KCNN3: variants seen among roughly 807,000 people sequenced by gnomAD.
KCNN3 encodes potassium calcium-activated channel subfamily N member 3.
Under a neutral mutation model 62.9 loss-of-function variants are expected in KCNN3, and 16 were observed. The ratio of observed to expected loss-of-function variants is 0.25; its 90% CI spans 0.17 to 0.39. KCNN3 has a LOEUF of 0.39. Ranked by LOEUF, KCNN3 falls within the 10% of genes least tolerant of loss-of-function variation. The pLI is 1.00. For synonymous variants in KCNN3, 370 were observed against 389.2 expected, an observed-to-expected ratio of 0.95 and a Z score of 0.58; for missense variants, 599 against 949.4, an observed-to-expected ratio of 0.63 and a Z score of 4.85.
chr1:154,800,157 G>A (rs1222740817), intron 2 of KCNN3, among the ~76,000 whole-genome samples: 3 of 152,214 alleles, frequency 2.0e-5, no homozygotes, highest in African/African-American at 7.2e-5. Context: ...TTCATTGGCT[G>A]TGTTCTTACA....
chr1:154,819,736 A>G (rs1230327954), intron 2 of KCNN3, among the ~76,000 whole-genome samples: 1 of 152,144 alleles, frequency 6.6e-6, no homozygotes, highest in Admixed American at 6.5e-5. Context: ...CTCAGGGTAC[A>G]GGCAGGGCTG....
chr1:154,755,609 G>T (rs1265631321), intron 3 of KCNN3, among the ~76,000 whole-genome samples: 6 of 115,226 alleles, frequency 5.2e-5, no homozygotes, highest in Non-Finnish European at 1.1e-4. Context: ...GGGAGGGGGA[G>T]GGAGGGAGGG....
chr1:154,803,072 G>A (rs1364846456), intron 2 of KCNN3, among the ~76,000 whole-genome samples: 1 of 152,198 alleles, frequency 6.6e-6, no homozygotes, highest in Non-Finnish European at 1.5e-5. Flanking sequence ...TCACCATGGA[G>A]TCACCTGGGC....
chr1:154,784,647 C>G (rs1232997914), intron 2 of KCNN3, among the ~76,000 whole-genome samples: 1 of 152,188 alleles, frequency 6.6e-6, no homozygotes, highest in African/African-American at 2.4e-5. Context: ...GATGGCCAGA[C>G]AGTTGGGGAG....
rs78102245 is a variant in KCNN3 at position 154,776,711 on chromosome 1, C to G, written c.1030-4318G>C. ...ATTCATTCCTAACAAAGCACAATCC[C>G]AATTATTGATTTGCATGTGTGAGGT... On this transcript the variant is annotated intron_variant, in intron 2 of 7. Coordinates refer to ENST00000271915, the MANE Select transcript of KCNN3 (RefSeq NM_002249.6). Among the ~76,000 whole-genome samples, 231 of 152,316 alleles carry G rather than the reference C, an allele frequency of 1.5e-3. 5 individuals carry two copies. In the East Asian group the frequency reaches 0.033, roughly 22 times the overall value.
At chr1:154,789,437 G>A (rs561964103) in intron 2 of KCNN3, among the ~76,000 whole-genome samples, 4 of 152,086 alleles carry the variant, frequency 2.6e-5, no homozygotes, top group Non-Finnish European at 5.9e-5. Context: ...GCAGGGGGGG[G>A]CATTATGATT....
At chr1:154,851,012 C>G (rs1358890813) in intron 1 of KCNN3, among the ~76,000 whole-genome samples, 2 of 152,338 alleles carry the variant, frequency 1.3e-5, no homozygotes, top group South Asian at 2.1e-4. Context: ...GAGTCTCGCT[C>G]TGTCACCCAG....
chr1:154,701,359 C>A lies in KCNN3; in HGVS notation c.*6617G>T, dbSNP rs1054340755. ...CCTGTACAATATTGCACCAAAGCAA[C>A]AACAGCAAGTGAGGGTCCCAGGTGA... On this transcript the variant is annotated 3_prime_UTR_variant, in exon 8 of 8. Coordinates refer to ENST00000271915, the MANE Select transcript of KCNN3 (RefSeq NM_002249.6). 1.3e-5 allele frequency: 2 copies of A among 152,190 alleles called. No homozygotes were observed. The highest frequency in any genetic ancestry group is 4.8e-5 in the African/African-American group (2 of 41,436). 9.4% of individuals were successfully genotyped at this position (152,190 alleles called of 1,614,324 possible).
intron 1 of KCNN3, among the ~76,000 whole-genome samples, chr1:154,864,129 G>C (rs1358139940): frequency 6.6e-6 from 1 of 152,320 alleles, no homozygotes; most frequent in African/African-American, 2.4e-5. Context: ...TCGGCAGTGG[G>C]CTCGCAGGCT....
rs548293145 is a variant in KCNN3, at chr1:154,723,671, T to TA, written c.1701+2244dup. ...CCAAATACAAAGAATATTCTTGGCT[T>TA]AAAAAAGAAAACCAGAATAAACAGA... On this transcript the variant is annotated intron_variant, in intron 5 of 7. Transcript: ENST00000271915. Among the ~76,000 whole-genome samples the TA allele has an allele frequency of 2.9e-3, 442 of 152,212 alleles. 3 individuals carry two copies. The highest frequency in any genetic ancestry group is 0.01 in the African/African-American group (422 of 41,526).
At chr1:154,780,605 T>C (rs760439000) in intron 2 of KCNN3, among the ~76,000 whole-genome samples, 1 of 148,242 alleles carries the variant, frequency 6.7e-6, no homozygotes, top group Non-Finnish European at 1.5e-5. Flanking sequence ...TTTATATATA[T>C]ATATATACAT....
chr1:154,809,967 G>A lies in KCNN3; in HGVS notation c.1029+12122C>T, dbSNP rs1255608307. Reference sequence around the variant, plus strand: ...TGTACTGACCTGATCCCAGTGGTGTGTAAGGGTCAGTGTGTCACCAGATCC... The same window carrying A: ...TGTACTGACCTGATCCCAGTGGTGTATAAGGGTCAGTGTGTCACCAGATCC... On this transcript the variant is annotated intron_variant, in intron 2 of 7. Coordinates refer to ENST00000271915, the MANE Select transcript of KCNN3 (RefSeq NM_002249.6). This position sits in a 1 kb window ranked among gnomAD's most constrained non-coding sequence, Gnocchi z 4.3. 6.6e-6 allele frequency among the ~76,000 whole-genome samples: 1 copy of A among 152,236 alleles called. No individual in the cohort carries two copies. Among genetic ancestry groups the A allele is most frequent in the African/African-American group, 2.4e-5 (1 of 41,458 alleles).
At position 154,855,156 on chromosome 1, in the gene KCNN3, T is replaced by C. The variant is rs554862805; in HGVS notation, c.933+13876A>G. Among the ~76,000 whole-genome samples the C allele has an allele frequency of 7.2e-5, 11 of 152,170 alleles. No homozygotes were observed. The South Asian group carries it at 2.3e-3, about 32-fold the overall frequency. The stretch of plus-strand genomic sequence containing the variant: ...TTCTTTGAACCTGGGAGGTTGAAGT[T>C]GCAGTGAGCCGAGATCGTGCCACTG... On this transcript the variant is annotated intron_variant, in intron 1 of 7. Transcript: ENST00000271915.
chr1:154,849,552 A>G (rs2101921399), intron 1 of KCNN3, among the ~76,000 whole-genome samples: 1 of 152,340 alleles, frequency 6.6e-6, no homozygotes. Flanking sequence ...CCAAGGATGA[A>G]AAGACATGGA....
chr1:154,834,217 C>T lies in KCNN3; in HGVS notation c.934-12033G>A, dbSNP rs1372374918. 8.5e-5 allele frequency among the ~76,000 whole-genome samples: 13 copies of T among 152,328 alleles called. No homozygotes were observed. The East Asian group carries it at 1.5e-3, about 18-fold the overall frequency. On this transcript the variant is annotated intron_variant, in intron 1 of 7. Coordinates refer to ENST00000271915, the MANE Select transcript of KCNN3 (RefSeq NM_002249.6). The stretch of plus-strand genomic sequence containing the variant: ...TTTTACTTTGAGGTGCCATGAATTC[C>T]AGCAATGGGGCACGACACGAGCCCC...
chr1:154,742,774 G>A (rs1571229870), intron 3 of KCNN3, among the ~76,000 whole-genome samples: 1 of 152,302 alleles, frequency 6.6e-6, no homozygotes, highest in Admixed American at 6.5e-5. Flanking sequence ...GAATGTGCAC[G>A]GGCTCCATCA....
At chr1:154,857,637 CG>C (rs1652592682) in intron 1 of KCNN3, among the ~76,000 whole-genome samples, 1 of 152,182 alleles carries the variant, frequency 6.6e-6, no homozygotes, top group South Asian at 2.1e-4. Flanking sequence ...GTGAGGGCGT[CG>C]GAGACACTCC....
intron 5 of KCNN3, among the ~76,000 whole-genome samples, chr1:154,715,550 TTTC>T (rs2101767743): frequency 6.6e-6 from 1 of 151,952 alleles, no homozygotes; most frequent in East Asian, 1.9e-4. Context: ...TTTCTTTCTC[TTTC>T]TTTCTTCCTT....
chr1:154,706,042 A>G lies in KCNN3; in HGVS notation c.*1934T>C, dbSNP rs1699959705. 6.6e-6 allele frequency: 1 copy of G among 152,276 alleles called. No homozygotes were observed. The highest frequency in any genetic ancestry group is 2.4e-5 in the African/African-American group (1 of 41,476). 9.4% of individuals were successfully genotyped at this position (152,276 alleles called of 1,614,324 possible). The stretch of plus-strand genomic sequence containing the variant: ...ACAAGTAAAAAAATAAGCCAACAGC[A>G]GGTGCGGCATCTCTGGTATGCAAAA... On this transcript the variant is annotated 3_prime_UTR_variant, in exon 8 of 8. Coordinates refer to ENST00000271915, the MANE Select transcript of KCNN3 (RefSeq NM_002249.6).
Sources: gnomAD v4.1 joint callset for allele counts (sites outside exome capture counted in the v4.1 genomes callset) on GRCh38, gnomAD v4.1.1 for gene constraint, Gnocchi (gnomAD v3.1) non-coding constraint, MANE v1.5 for transcripts, NCBI Gene and HGNC (gene_info 2026-07-23, HGNC 2026-07-21) for gene names.